The following KTN1 variants were observed in gnomAD, a reference collection of about 807,000 sequenced individuals.
The protein encoded by KTN1 is kinectin 1.
In KTN1, 130 loss-of-function variants were observed where a neutral mutation model predicts 222.5. The ratio of observed to expected loss-of-function variants is 0.58; its 90% CI spans 0.51 to 0.68. The LOEUF (loss-of-function observed/expected upper bound fraction) is 0.68, where lower values mean the gene tolerates loss of function less well. Ranked by LOEUF, KTN1 falls within the 30% of genes least tolerant of loss-of-function variation. The probability of loss-of-function intolerance (pLI) is 0.00; values close to 1 mark genes in which losing one functional copy is unlikely to be tolerated. For synonymous variants in KTN1, 512 were observed against 496.3 expected (o/e 1.03, Z -0.42); for missense variants, 1,508 against 1,500.4 (o/e 1.01, Z -0.08).
intron 40 of KTN1, chr14:55,673,509 T>G (rs1352094435): frequency 6.8e-6 from 2 of 295,380 alleles, no homozygotes; most frequent in Non-Finnish European, 1.2e-5. Flanking sequence ...TTTTCCATGT[T>G]TTATAAATCC....
intron 5 of KTN1, among the ~76,000 whole-genome samples, chr14:55,624,954 G>A (rs75965605): frequency 0.016 from 2,455 of 152,324 alleles, 38 homozygotes; most frequent in African/African-American, 0.043. Context: ...GACAGCGAGT[G>A]TCCGCTACGA....
intron 30 of KTN1, 67 bp from the exon 31 acceptor site, chr14:55,659,599 A>C (rs1169870882): frequency 2.1e-6 from 2 of 937,678 alleles, no homozygotes; most frequent in Non-Finnish European, 3.4e-6. Context: ...ATATTTGAGA[A>C]AAGCTTCAAT....
intron 1 of KTN1, among the ~76,000 whole-genome samples, chr14:55,593,085 T>G (rs1360476449): frequency 6.6e-6 from 1 of 152,132 alleles, no homozygotes; most frequent in Non-Finnish European, 1.5e-5. Flanking sequence ...ATCTGTTGAG[T>G]CTATATGCCA....
At chr14:55,642,378 G>A (rs2141014024) in intron 18 of KTN1, among the ~76,000 whole-genome samples, 1 of 152,092 alleles carries the variant, frequency 6.6e-6, no homozygotes, top group Admixed American at 6.5e-5. Context: ...TATATTTATA[G>A]CAAGACATCA....
At chr14:55,619,450 T>A in intron 5 of KTN1, 138 bp downstream of exon 5, 1 of 754,094 alleles carries the variant, frequency 1.3e-6, no homozygotes, top group Non-Finnish European at 2.2e-6. Context: ...CTTCAGAAAT[T>A]ACTTTATATA....
intron 6 of KTN1, among the ~76,000 whole-genome samples, chr14:55,629,417 C>CAAAAAAA (rs58348373): frequency 4.3e-4 from 21 of 49,134 alleles, no homozygotes; most frequent in Non-Finnish European, 7.2e-4. Flanking sequence ...GACTCCGTCT[C>CAAAAAAA]AAAAAAAAAA....
chr14:55,614,978 T>G (rs1438878600), intron 2 of KTN1, among the ~76,000 whole-genome samples: 3 of 152,112 alleles, frequency 2.0e-5, no homozygotes, highest in Non-Finnish European at 4.4e-5. Context: ...AAAAGTAGAT[T>G]CAGAAGCCTT....
intron 14 of KTN1, 54 bp from the exon 15 acceptor site, chr14:55,640,320 A>T (rs575716185): frequency 8.1e-7 from 1 of 1,232,232 alleles, no homozygotes; most frequent in South Asian, 1.3e-5. Flanking sequence ...ATGCTTTACA[A>T]ACTTTAAAAT....
chr14:55,599,860 T>C (rs984150540), intron 1 of KTN1, among the ~76,000 whole-genome samples: 1 of 152,116 alleles, frequency 6.6e-6, no homozygotes, highest in Non-Finnish European at 1.5e-5. Flanking sequence ...CTTTCTCTTG[T>C]GTCTTTTTCT....
At chr14:55,647,416 C>A (rs2042474600) in intron 19 of KTN1, among the ~76,000 whole-genome samples, 1 of 148,256 alleles carries the variant, frequency 6.7e-6, no homozygotes, top group South Asian at 2.1e-4. Context: ...GGGTGGATCA[C>A]CTGAGGTCAG....
At chr14:55,653,711 GA>G in intron 28 of KTN1, 115 bp downstream of exon 28, 3 of 724,258 alleles carry the variant, frequency 4.1e-6, no homozygotes, top group Non-Finnish European at 6.9e-6. Flanking sequence ...TTGTTAAGTG[GA>G]AATTATAATT....
intron 31 of KTN1, 144 bp from the exon 32 acceptor site, chr14:55,661,378 C>T: frequency 1.9e-6 from 1 of 523,228 alleles, no homozygotes; most frequent in Non-Finnish European, 3.4e-6. Flanking sequence ...GTATGGTCAA[C>T]AGTAGGTAGA....
Position 55,650,633 on chromosome 14 carries a change from A to G in KTN1, c.2561A>G (p.Gln854Arg). ...GGAAATGTCCAGCTTGAAAAGGCTCAACAGGTAAAAATCCCAGAGCCATAG... is the reference window on the plus strand; with the variant it reads ...GGAAATGTCCAGCTTGAAAAGGCTCGACAGGTAAAAATCCCAGAGCCATAG... ...EIGNVQLEKA[Q>R]QLSITSKVQE... The change falls in exon 24 of 44, where the codon CAA becomes CGA. Residue 854 changes from glutamine to arginine, a missense_variant. Gln to Arg is a conservative substitution (Grantham distance 43, BLOSUM62 1). Transcript: ENST00000395314. 6.2e-7 allele frequency: 1 copy of G among 1,604,458 alleles called. No homozygotes were observed. Among genetic ancestry groups the G allele is most frequent in the Non-Finnish European group, 8.5e-7 (1 of 1,171,624 alleles).
chr14:55,657,466 AT>A (rs2043624032), intron 29 of KTN1, among the ~76,000 whole-genome samples: 1 of 147,342 alleles, frequency 6.8e-6, no homozygotes, highest in African/African-American at 2.5e-5. Flanking sequence ...ACCTTTTGTT[AT>A]TATATGAGGT....
chr14:55,584,515 T>TA (rs1223994322), intron 1 of KTN1, among the ~76,000 whole-genome samples: 1 of 152,240 alleles, frequency 6.6e-6, no homozygotes, highest in East Asian at 1.9e-4. Context: ...ACCCTGTAGA[T>TA]ACATGCATGG....
At chr14:55,588,517 T>G (rs994871347) in intron 1 of KTN1, among the ~76,000 whole-genome samples, 1 of 152,228 alleles carries the variant, frequency 6.6e-6, no homozygotes, top group African/African-American at 2.4e-5. Flanking sequence ...CTATGATCAC[T>G]TTTTACTGTG....
chr14:55,611,047 C>T lies in KTN1; in HGVS notation c.-30-972C>T, dbSNP rs75829110. 2.8e-4 allele frequency among the ~76,000 whole-genome samples: 42 copies of T among 152,216 alleles called. No individual in the cohort carries two copies. In the East Asian group the frequency reaches 7.7e-3, roughly 28 times the overall value. The stretch of plus-strand genomic sequence containing the variant: ...ACTTGTTTTGTGCAGTATGGGGTGC[C>T]TTTAAAAAACTGAGATAAGTTCCTA... On this transcript the variant is annotated intron_variant, in intron 1 of 43. Coordinates refer to ENST00000395314, the MANE Select transcript of KTN1 (RefSeq NM_001079521.2).
intron 20 of KTN1, 89 bp from the exon 21 acceptor site, chr14:55,648,713 G>C: frequency 1.2e-6 from 1 of 854,220 alleles, no homozygotes. Flanking sequence ...AAAAGAAGCA[G>C]CTAAAGAAAT....
intron 43 of KTN1, 120 bp from the exon 44 acceptor site, chr14:55,683,979 A>G (rs2046581988): frequency 2.9e-6 from 2 of 690,032 alleles, no homozygotes; most frequent in East Asian, 3.0e-5. Context: ...CTTTGAGTCT[A>G]TTTGAAAGGG....
Sources: allele counts gnomAD v4.1 joint callset (sites outside exome capture counted in the v4.1 genomes callset), GRCh38; gene constraint gnomAD v4.1.1; transcripts MANE v1.5; gene names NCBI Gene and HGNC (gene_info 2026-07-23, HGNC 2026-07-21).